The following NMNAT3 variants were observed in gnomAD, a reference collection of about 807,000 sequenced individuals.
The protein encoded by NMNAT3 is nicotinamide/nicotinic acid mononucleotide adenylyltransferase 3.
NMNAT3 carries 21 observed loss-of-function variants against 24.8 expected under a neutral mutation model. The observed-to-expected ratio is 0.85, with a 90% confidence interval of 0.60 to 1.22. The LOEUF (loss-of-function observed/expected upper bound fraction) is 1.22, where lower values mean the gene tolerates loss of function less well. Among genes scored for constraint, NMNAT3 ranks in the 50% most tolerant of loss-of-function variants. The pLI is 0.00. For missense variants in NMNAT3, 387 were observed against 436.6 expected, an observed-to-expected ratio of 0.89 and a Z score of 1.01; for synonymous variants, 136 against 155.2, an observed-to-expected ratio of 0.88 and a Z score of 0.92.
At chr3:139,596,965 T>TA (rs1553745733) in intron 3 of NMNAT3, among the ~76,000 whole-genome samples, 10 of 119,722 alleles carry the variant, frequency 8.4e-5, no homozygotes, top group African/African-American at 3.0e-4. Context: ...TATATATATA[T>TA]TTTTATTACA....
chr3:139,643,739 A>G (rs2056782975), intron 1 of NMNAT3, among the ~76,000 whole-genome samples: 1 of 152,186 alleles, frequency 6.6e-6, no homozygotes, highest in Non-Finnish European at 1.5e-5. Context: ...AGGGGGAAGG[A>G]ACACTTATTG....
chr3:139,567,015 T>C (rs1391664836), intron 6 of NMNAT3: 6 of 151,578 alleles, frequency 4.0e-5, no homozygotes, highest in Non-Finnish European at 7.4e-5. Flanking sequence ...TTCTTCCATT[T>C]GTTTGTATCC....
At chr3:139,624,973 AT>A (rs1254917008) in intron 3 of NMNAT3, among the ~76,000 whole-genome samples, 1 of 152,066 alleles carries the variant, frequency 6.6e-6, no homozygotes, top group Non-Finnish European at 1.5e-5. Flanking sequence ...GGGTTTGTCT[AT>A]TTCTCCTTGC....
chr3:139,565,608 C>CG (rs1352172177), intron 6 of NMNAT3: 1 of 151,676 alleles, frequency 6.6e-6, no homozygotes, highest in Non-Finnish European at 1.5e-5. Context: ...TGAGAACATG[C>CG]GGTGTTTGGT....
chr3:139,666,091 G>A (rs2057571952), intron 1 of NMNAT3, among the ~76,000 whole-genome samples: 1 of 152,178 alleles, frequency 6.6e-6, no homozygotes, highest in Non-Finnish European at 1.5e-5. Context: ...GGAGTAGTCA[G>A]ACATGTTGGA....
chr3:139,595,001 A>C (rs1267778242), intron 3 of NMNAT3, among the ~76,000 whole-genome samples: 1 of 152,182 alleles, frequency 6.6e-6, no homozygotes, highest in Admixed American at 6.5e-5. Flanking sequence ...GTATTCAATT[A>C]GGAAAAGAGG....
chr3:139,669,242 G>A (rs1423215748), intron 1 of NMNAT3, among the ~76,000 whole-genome samples: 1 of 152,042 alleles, frequency 6.6e-6, no homozygotes, highest in East Asian at 1.9e-4. Context: ...GGAGGCCAAG[G>A]CAGGCAGATC....
chr3:139,579,198 G>GT, intron 4 of NMNAT3, 143 bp from the exon 5 acceptor site: 1 of 682,538 alleles, frequency 1.5e-6, no homozygotes, highest in Non-Finnish European at 2.5e-6. Flanking sequence ...GGGAGAAAGG[G>GT]TAGCTCCCTT....
In NMNAT3 at chr3:139,608,296, C is replaced by G. The variant is rs1576633995; in HGVS notation, c.109+19320G>C. ...GCGCCCTAGTTGCCAAGGATGAGGG[C>G]ACTGGCTTTGCACTCTTTGAGACTG... is the stretch of plus-strand genomic sequence containing the variant. On this transcript the variant is annotated intron_variant, in intron 3 of 6. Coordinates refer to ENST00000643695, the MANE Select transcript of NMNAT3 (RefSeq NM_001320510.2). Among the ~76,000 whole-genome samples, 3 of 149,522 alleles carry G rather than the reference C, an allele frequency of 2.0e-5. No homozygotes were observed. In the South Asian group the frequency reaches 6.5e-4, roughly 32 times the overall value.
chr3:139,660,474 A>G (rs1357036937), intron 1 of NMNAT3, among the ~76,000 whole-genome samples: 1 of 152,224 alleles, frequency 6.6e-6, no homozygotes, highest in Non-Finnish European at 1.5e-5. Context: ...GAGTTTGCAG[A>G]TACATTGATC....
At chr3:139,614,565 T>G (rs1427805849) in intron 3 of NMNAT3, among the ~76,000 whole-genome samples, 1 of 152,262 alleles carries the variant, frequency 6.6e-6, no homozygotes, top group Non-Finnish European at 1.5e-5. Context: ...GCCAATTATT[T>G]TGCAGAATGT....
chr3:139,600,996 C>T (rs1412284536), intron 3 of NMNAT3, among the ~76,000 whole-genome samples: 1 of 152,162 alleles, frequency 6.6e-6, no homozygotes, highest in Admixed American at 6.5e-5. Flanking sequence ...CTCATGGCCC[C>T]TCAAAAACTC....
intron 3 of NMNAT3, among the ~76,000 whole-genome samples, chr3:139,588,162 C>A (rs761553135): frequency 1.8e-4 from 27 of 152,178 alleles, no homozygotes; most frequent in Non-Finnish European, 2.9e-4. Context: ...GGCCCTCCCC[C>A]ACTAGATGCA....
chr3:139,669,616 G>A (rs1212320410), intron 1 of NMNAT3, among the ~76,000 whole-genome samples: 2 of 151,752 alleles, frequency 1.3e-5, no homozygotes. Context: ...ATCTTTAATT[G>A]GAGATGAAGT....
chr3:139,669,649 T>C (rs961419723), intron 1 of NMNAT3, among the ~76,000 whole-genome samples: 1 of 152,160 alleles, frequency 6.6e-6, no homozygotes, highest in Non-Finnish European at 1.5e-5. Context: ...AGGCAATGAC[T>C]ACAAAATATT....
intron 3 of NMNAT3, among the ~76,000 whole-genome samples, chr3:139,601,986 C>A (rs1447399433): frequency 6.6e-6 from 1 of 152,158 alleles, no homozygotes; most frequent in African/African-American, 2.4e-5. Flanking sequence ...CTCGATGATG[C>A]CTTGATTCTG....
chr3:139,600,112 C>G (rs927772718), intron 3 of NMNAT3, among the ~76,000 whole-genome samples: 2 of 152,212 alleles, frequency 1.3e-5, no homozygotes, highest in African/African-American at 4.8e-5. Flanking sequence ...GCAAACTCTT[C>G]CTGCACACTA....
At chr3:139,589,521 T>C (rs988892219) in intron 3 of NMNAT3, among the ~76,000 whole-genome samples, 1 of 152,194 alleles carries the variant, frequency 6.6e-6, no homozygotes, top group African/African-American at 2.4e-5. Context: ...CAGGAGACAG[T>C]GGAGTGAAGT....
At chr3:139,614,919 T>C (rs1458181557) in intron 3 of NMNAT3, among the ~76,000 whole-genome samples, 1 of 152,252 alleles carries the variant, frequency 6.6e-6, no homozygotes, top group East Asian at 1.9e-4. Flanking sequence ...TGCTAAATGG[T>C]GGTTTTCTGA....
Sources: allele counts gnomAD v4.1 joint callset (sites outside exome capture counted in the v4.1 genomes callset), GRCh38; gene constraint gnomAD v4.1.1; transcripts MANE v1.5; gene names NCBI Gene and HGNC (gene_info 2026-07-23, HGNC 2026-07-21).